INPP5B: variants seen among roughly 807,000 people sequenced by gnomAD.
INPP5B encodes inositol polyphosphate-5-phosphatase B.
INPP5B carries 90 observed loss-of-function variants against 118.5 expected under a neutral mutation model. The observed-to-expected ratio is 0.76, with a 90% CI of 0.64 to 0.90. The LOEUF is 0.90. Ranked by LOEUF, INPP5B falls within the 40% of genes least tolerant of loss-of-function variation. INPP5B has a pLI of 0.00. For synonymous variants in INPP5B, 385 were observed against 418.9 expected, an observed-to-expected ratio of 0.92 and a Z score of 0.99; for missense variants, 984 against 1,125.6, an observed-to-expected ratio of 0.87 and a Z score of 1.80.
intron 7 of INPP5B, among the ~76,000 whole-genome samples, chr1:37,922,928 T>A (rs958722617): frequency 1.3e-5 from 2 of 152,172 alleles, no homozygotes; most frequent in Non-Finnish European, 2.9e-5. Flanking sequence ...CCTGGAGAGA[T>A]GACTTGAATT....
intron 7 of INPP5B, among the ~76,000 whole-genome samples, chr1:37,897,122 C>T (rs575163653): frequency 6.6e-6 from 1 of 150,832 alleles, no homozygotes; most frequent in South Asian, 2.1e-4. Context: ...GGGGGTCAGA[C>T]CCCCGTCCGG....
Position 37,874,152 on chromosome 1 carries a change from A to T in INPP5B, c.1792T>A (p.Cys598Ser). ...PSVSLSKREF[C>S]FQNVKYMQLK... ...TGCATGTACTTCACATTCTGAAAACAGAACTGGGAAGAAGCCCGGGGCCAG... is the reference window on the plus strand; with the variant it reads ...TGCATGTACTTCACATTCTGAAAACTGAACTGGGAAGAAGCCCGGGGCCAG... Residue 598 changes from cysteine to serine, a missense_variant, in exon 18 of 24, where the codon TGT (cysteine) becomes AGT (serine). Cys to Ser is a moderately radical substitution (Grantham distance 112). Coordinates refer to ENST00000373024, the MANE Select transcript of INPP5B (RefSeq NM_005540.3). The T allele has an allele frequency of 6.4e-7, 1 of 1,560,178 alleles. No homozygotes were observed. Among genetic ancestry groups the T allele is most frequent in the African/African-American group, 1.3e-5 (1 of 74,152 alleles).
intron 7 of INPP5B, among the ~76,000 whole-genome samples, chr1:37,893,883 TTC>T (rs1210298070): frequency 2.6e-5 from 4 of 152,200 alleles, no homozygotes; most frequent in Non-Finnish European, 5.9e-5. Flanking sequence ...AACTTCCCTC[TTC>T]TTCATTCTGC....
At chr1:37,899,422 C>T (rs1302963303) in intron 7 of INPP5B, among the ~76,000 whole-genome samples, 2 of 149,888 alleles carry the variant, frequency 1.3e-5, no homozygotes, top group East Asian at 2.0e-4. Context: ...AATAGCCAGC[C>T]GTGGTAGCAC....
chr1:37,884,649 TTAAA>T (rs1305030200), intron 13 of INPP5B, among the ~76,000 whole-genome samples: 2 of 151,982 alleles, frequency 1.3e-5, no homozygotes, highest in Non-Finnish European at 1.5e-5. Context: ...GTTGATAAAA[TTAAA>T]TACTGAAAAA....
At chr1:37,886,186 C>G (rs1294846414) in intron 12 of INPP5B, among the ~76,000 whole-genome samples, 1 of 148,430 alleles carries the variant, frequency 6.7e-6, no homozygotes, top group Non-Finnish European at 1.5e-5. Flanking sequence ...CAAAAACAAA[C>G]AAACAAAAAA....
intron 22 of INPP5B, 96 bp from the exon 23 acceptor site, chr1:37,864,519 C>A (rs184814910): frequency 4.4e-6 from 3 of 676,834 alleles, no homozygotes; most frequent in East Asian, 2.9e-5. Context: ...TCCAAGTGCA[C>A]GAGAAAGACT....
chr1:37,883,508 C>T (rs1643334211), intron 13 of INPP5B: 3 of 985,322 alleles, frequency 3.0e-6, no homozygotes, highest in South Asian at 9.4e-5. Flanking sequence ...TAACTGAAGG[C>T]TCCCTGATGA....
chr1:37,938,145 G>A (rs537386617), intron 6 of INPP5B, among the ~76,000 whole-genome samples: 3 of 150,682 alleles, frequency 2.0e-5, no homozygotes, highest in Admixed American at 2.0e-4. Context: ...GGTGGCATGC[G>A]CCTGTACCAG....
At chr1:37,885,939 G>A (rs1195918486) in intron 12 of INPP5B, 114 bp from the exon 13 acceptor site, 1 of 877,678 alleles carries the variant, frequency 1.1e-6, no homozygotes, top group Non-Finnish European at 1.8e-6. Flanking sequence ...CAGCACTTTG[G>A]GAGTCCGAGG....
At chr1:37,862,785 T>C (rs1457201129) in intron 23 of INPP5B, among the ~76,000 whole-genome samples, 1 of 152,202 alleles carries the variant, frequency 6.6e-6, no homozygotes, top group African/African-American at 2.4e-5. Context: ...CCCAGCACTT[T>C]GGGAAGCCAA....
chr1:37,877,047 A>G (rs1642876373), intron 16 of INPP5B, among the ~76,000 whole-genome samples: 2 of 152,044 alleles, frequency 1.3e-5, no homozygotes, highest in African/African-American at 4.8e-5. Context: ...TGGGTGACAG[A>G]ACAAAACAGT....
intron 5 of INPP5B, chr1:37,941,958 A>AAAAAAAAAAAAAAAAATATATATATATAT (rs1427344681): frequency 3.3e-5 from 1 of 30,392 alleles, no homozygotes. Flanking sequence ...AAAAAAAAAA[A>AAAAAAAAAAAAAAAAATATATATATATAT]ATATATATAT....
chr1:37,927,059 C>A (rs770103824), intron 7 of INPP5B, among the ~76,000 whole-genome samples: 3 of 152,060 alleles, frequency 2.0e-5, no homozygotes, highest in Non-Finnish European at 4.4e-5. Flanking sequence ...GAGGCCCAGG[C>A]GGGCAGATCA....
At chr1:37,885,069 A>T (rs550969370) in intron 13 of INPP5B, 1 of 152,350 alleles carries the variant, frequency 6.6e-6, no homozygotes, top group South Asian at 2.1e-4. Context: ...TGATACAGAG[A>T]AGATTAGCAT....
intron 7 of INPP5B, chr1:37,930,886 G>C (rs1300738376): frequency 6.6e-6 from 1 of 152,464 alleles, no homozygotes; most frequent in Non-Finnish European, 1.5e-5. Flanking sequence ...AGGTACTAGG[G>C]GTCATGCCAA....
At chr1:37,927,828 C>T (rs534297236) in intron 7 of INPP5B, among the ~76,000 whole-genome samples, 4 of 152,126 alleles carry the variant, frequency 2.6e-5, no homozygotes, top group African/African-American at 7.2e-5. Context: ...TGAGCCACTG[C>T]GCCCGGCCTC....
chr1:37,936,681 C>G (rs951553980), intron 6 of INPP5B, among the ~76,000 whole-genome samples: 1 of 151,504 alleles, frequency 6.6e-6, no homozygotes, highest in South Asian at 2.1e-4. Context: ...TAAGGAAGCA[C>G]TAGAGCAAAA....
chr1:37,937,973 A>G (rs948970832), intron 6 of INPP5B, among the ~76,000 whole-genome samples: 1 of 109,968 alleles, frequency 9.1e-6, no homozygotes, highest in African/African-American at 3.0e-5. Flanking sequence ...AGTTGGTCTC[A>G]AAAAAAAAAA....
Sources: allele counts gnomAD v4.1 joint callset (sites outside exome capture counted in the v4.1 genomes callset), GRCh38; gene constraint gnomAD v4.1.1; transcripts MANE v1.5; gene names NCBI Gene and HGNC (gene_info 2026-07-23, HGNC 2026-07-21).